KIR2DL3: variants seen among roughly 807,000 people sequenced by gnomAD.
The protein encoded by KIR2DL3 is killer cell immunoglobulin like receptor, two Ig domains and long cytoplasmic tail 3, also known as killer cell immunoglobulin-like receptor 2DL3.
Under a neutral mutation model 33.8 loss-of-function variants are expected in KIR2DL3, and 39 were observed. That is an observed-to-expected ratio of 1.15 (90% CI 0.89 to 1.51). The LOEUF (loss-of-function observed/expected upper bound fraction) is 1.51, where lower values mean the gene tolerates loss of function less well. Ranked by LOEUF, KIR2DL3 falls within the 40% of genes most tolerant of loss-of-function variation. KIR2DL3 has a pLI of 0.00. For missense variants in KIR2DL3, 462 were observed against 426.2 expected (o/e 1.08, Z -0.74); for synonymous variants, 174 against 160.2 (o/e 1.09, Z -0.65).
At chr19:54,748,790 T>G (rs1462509979) in intron 5 of KIR2DL3, among the ~76,000 whole-genome samples, 59 of 146,624 alleles carry the variant, frequency 4.0e-4, no homozygotes, top group African/African-American at 1.4e-3. Flanking sequence ...CCCGGCTAAT[T>G]CTTTTTGTAT....
intron 3 of KIR2DL3, among the ~76,000 whole-genome samples, chr19:54,743,409 G>GA (rs1297322496): frequency 1.3e-5 from 2 of 152,184 alleles, no homozygotes; most frequent in Non-Finnish European, 2.9e-5. Context: ...GACAGGTAGA[G>GA]AATTTGTAGA....
Position 54,739,514 on chromosome 19 carries a change from C to G in KIR2DL3, c.42C>G (p.Phe14Leu), listed in dbSNP as rs754500397. 1 of 1,614,022 alleles carries G rather than the reference C, an allele frequency of 6.2e-7. No homozygotes were observed. Among genetic ancestry groups the G allele is most frequent in the Non-Finnish European group, 8.5e-7 (1 of 1,179,910 alleles). Residue 14 changes from phenylalanine to leucine, a missense_variant, in exon 2 of 8, where the codon TTC becomes TTG. Transcript: ENST00000342376. Reference protein sequence around the residue: ...MVVSMVCVGFFLLQGAWPHEG... With the variant: ...MVVSMVCVGFLLLQGAWPHEG... ...CATGATCTTTCTTTCCAGGGTTCTT[C>G]TTGCTGCAGGGGGCCTGGCCACATG...
In KIR2DL3 at chr19:54,750,050, C is replaced by T. The variant is rs149763664; in HGVS notation, c.716-1599C>T. 7.1e-4 allele frequency among the ~76,000 whole-genome samples: 95 copies of T among 133,002 alleles called. 11 individuals carry two copies. In the East Asian group the frequency reaches 0.018, roughly 25 times the overall value. 87.3% of individuals were successfully genotyped at this position (133,002 alleles called of 152,430 possible). On this transcript the variant is annotated intron_variant, in intron 5 of 7. Coordinates refer to ENST00000342376, the MANE Select transcript of KIR2DL3 (RefSeq NM_015868.3). ...AGGCAATGAGCTTAAAACCTCTTCC[C>T]TATTTGGCTTTCTGTGAGAATGAGA... is the stretch of plus-strand genomic sequence containing the variant.
chr19:54,743,064 G>A (rs1181190071), intron 3 of KIR2DL3, among the ~76,000 whole-genome samples: 6 of 151,820 alleles, frequency 4.0e-5, no homozygotes, highest in African/African-American at 9.7e-5. Context: ...GAGGCACAAG[G>A]ACATAGAAAC....
chr19:54,748,777 G>A (rs374630660), intron 5 of KIR2DL3, among the ~76,000 whole-genome samples: 37 of 141,400 alleles, frequency 2.6e-4, no homozygotes, highest in Admixed American at 4.3e-4. Flanking sequence ...AACTGCCACC[G>A]TGCCCGGCTA....
intron 4 of KIR2DL3, among the ~76,000 whole-genome samples, chr19:54,744,885 TA>T (rs2072039280): frequency 3.4e-5 from 2 of 58,652 alleles, no homozygotes; most frequent in Non-Finnish European, 3.7e-5. Context: ...TATATATATA[TA>T]TATATATATA....
intron 2 of KIR2DL3, 87 bp downstream of exon 2, chr19:54,739,629 C>T: frequency 6.2e-7 from 1 of 1,608,136 alleles, no homozygotes; most frequent in Non-Finnish European, 8.5e-7. Flanking sequence ...CGGGGAGTCT[C>T]TCATAAACTA....
chr19:54,746,632 C>T (rs1283277064), intron 4 of KIR2DL3, among the ~76,000 whole-genome samples: 3 of 148,660 alleles, frequency 2.0e-5, no homozygotes, highest in South Asian at 2.2e-4. Flanking sequence ...TTTCCCTGCA[C>T]TGTTTATTGA....
chr19:54,750,985 G>T (rs80351617), intron 5 of KIR2DL3, among the ~76,000 whole-genome samples: 73 of 110,194 alleles, frequency 6.6e-4, no homozygotes, highest in Non-Finnish European at 1.1e-3. Flanking sequence ...GTTCTGAGAC[G>T]TTCCTCCTGA....
intron 2 of KIR2DL3, among the ~76,000 whole-genome samples, chr19:54,740,364 C>A (rs2070795255): frequency 6.6e-6 from 1 of 151,924 alleles, no homozygotes. Flanking sequence ...TTGGGTTTAA[C>A]AACTTCAGTC....
At chr19:54,741,837 G>C (rs2071179999) in intron 2 of KIR2DL3, 143 bp from the exon 3 acceptor site, 1 of 1,230,884 alleles carries the variant, frequency 8.1e-7, no homozygotes, top group African/African-American at 1.5e-5. Flanking sequence ...TGCACCAGGA[G>C]TTAAGGGCAC....
chr19:54,740,069 C>T (rs1488219291), intron 2 of KIR2DL3, among the ~76,000 whole-genome samples: 1 of 152,202 alleles, frequency 6.6e-6, no homozygotes, highest in East Asian at 1.9e-4. Context: ...CTTTACTCAG[C>T]ACTTGCTCAA....
chr19:54,742,459 A>T (rs1262788033), intron 3 of KIR2DL3, among the ~76,000 whole-genome samples, 180 bp downstream of exon 3: 1 of 151,600 alleles, frequency 6.6e-6, no homozygotes, highest in Non-Finnish European at 1.5e-5. Context: ...ACCAGGTGTC[A>T]TAACAGAGGA....
chr19:54,750,383 G>A (rs2073230521), intron 5 of KIR2DL3, among the ~76,000 whole-genome samples: 1 of 142,034 alleles, frequency 7.0e-6, no homozygotes, highest in African/African-American at 2.7e-5. Flanking sequence ...CCTTCCCCCA[G>A]CCTCTCGGGT....
chr19:54,744,946 ATATATATATTTTTT>A (rs1359645471), intron 4 of KIR2DL3, among the ~76,000 whole-genome samples: 6 of 26,190 alleles, frequency 2.3e-4, no homozygotes, highest in African/African-American at 6.6e-4. Context: ...ATATATATAT[ATATATATATTTTTT>A]TTTTTTTTTT....
chr19:54,751,509 G>T, intron 5 of KIR2DL3, 140 bp from the exon 6 acceptor site: 1 of 735,530 alleles, frequency 1.4e-6, no homozygotes, highest in East Asian at 2.5e-5. Flanking sequence ...GAAAGCAGGA[G>T]AAAGCTGGGT....
chr19:54,738,714 GGAGTGGAGATCTGGGCCT>G, intron 1 of KIR2DL3, 135 bp downstream of exon 1: 1 of 748,758 alleles, frequency 1.3e-6, no homozygotes. Context: ...ATCTGGGCCT[GGAGTGGAGATCTGGGCCT>G]GGAGTGGAGA....
At chr19:54,750,812 G>C (rs1255579126) in intron 5 of KIR2DL3, among the ~76,000 whole-genome samples, 1 of 135,094 alleles carries the variant, frequency 7.4e-6, no homozygotes, top group East Asian at 2.0e-4. Flanking sequence ...TCAAGGCTCA[G>C]AAAAGCTACT....
chr19:54,750,533 T>C (rs1326457778), intron 5 of KIR2DL3, among the ~76,000 whole-genome samples: 1 of 138,672 alleles, frequency 7.2e-6, no homozygotes, highest in Non-Finnish European at 1.6e-5. Flanking sequence ...TTGTTTCCTT[T>C]TCTTGGAGAA....
Sources: allele counts gnomAD v4.1 joint callset (sites outside exome capture counted in the v4.1 genomes callset), GRCh38; gene constraint gnomAD v4.1.1; transcripts MANE v1.5; gene names NCBI Gene and HGNC (gene_info 2026-07-23, HGNC 2026-07-21).